Variants in NAT2 observed in about 807,000 individuals in gnomAD.
NAT2 encodes the protein arylamine N-acetyltransferase 2.
For synonymous variants in NAT2, 137 were observed against 125.9 expected (o/e 1.09, Z -0.59); for missense variants, 428 against 339.1 (o/e 1.26, Z -2.06).
chr8:18,400,721 A>G lies in NAT2; in HGVS notation c.718A>G (p.Thr240Ala). ...GVYCLVGFILTYRKFNYKDNT... is the reference protein window; with the variant it reads ...GVYCLVGFILAYRKFNYKDNT... ...TTACTGTTTGGTGGGCTTCATCCTC[A>G]CCTATAGAAAATTCAATTATAAAGA... is the stretch of plus-strand genomic sequence containing the variant. Residue 240 changes from threonine to alanine, a missense_variant, in exon 2 of 2, where the codon ACC becomes GCC. By Grantham distance (58) the Thr-to-Ala change is moderately conservative (BLOSUM62 0). Coordinates refer to ENST00000286479, the MANE Select transcript of NAT2 (RefSeq NM_000015.3). 1 of 1,613,704 alleles carries G rather than the reference A, an allele frequency of 6.2e-7. No homozygotes were observed. The highest frequency in any genetic ancestry group is 1.3e-5 in the African/African-American group (1 of 74,976).
chr8:18,386,518 C>T (rs1291296687), upstream of NAT2, among the ~76,000 whole-genome samples: 3 of 152,198 alleles, frequency 2.0e-5, no homozygotes, highest in Non-Finnish European at 4.4e-5. Context: ...TGTTCTGTCC[C>T]GGACACACGG....
Position 18,394,700 on chromosome 8 carries a change from G to A in NAT2, c.-7+3355G>A, listed in dbSNP as rs181730067. On this transcript the variant is annotated intron_variant, in intron 1 of 1. Coordinates refer to ENST00000286479, the MANE Select transcript of NAT2 (RefSeq NM_000015.3). ...ACCTGTAAAGGAACTGCATAGACAA[G>A]CTGTGAGGCCAGTTTTATCCACAGG... is the stretch of plus-strand genomic sequence containing the variant. Among the ~76,000 whole-genome samples the A allele has an allele frequency of 7.9e-5, 12 of 152,250 alleles. No individual in the cohort carries two copies. The East Asian group carries it at 1.4e-3, about 17-fold the overall frequency.
At chr8:18,388,179 G>T (rs1249162125), upstream of NAT2, among the ~76,000 whole-genome samples, 1 of 152,210 alleles carries the variant, frequency 6.6e-6, no homozygotes, top group African/African-American at 2.4e-5. Flanking sequence ...GTTTTAAACT[G>T]TCAAGTTTGT....
In NAT2 at chr8:18,400,612, G is replaced by C. The variant is rs45618543; in HGVS notation, c.609G>C (p.Glu203Asp). Residue 203 changes from glutamate (E) to aspartate (D), a missense_variant, in exon 2 of 2, where the codon GAG becomes GAC. Glu to Asp is a conservative substitution (Grantham distance 45). Transcript: ENST00000286479. ...AACCTCGAACAATTGAAGATTTTGA[G>C]TCTATGAATACATACCTGCAGACGT... is the stretch of plus-strand genomic sequence containing the variant. ...TLEPRTIEDF[E>D]SMNTYLQTSP... 6 of 1,613,860 alleles carry C rather than the reference G, an allele frequency of 3.7e-6. No homozygotes were observed. The highest frequency in any genetic ancestry group is 5.1e-6 in the Non-Finnish European group (6 of 1,179,964).
chr8:18,392,830 A>G (rs1039751143), intron 1 of NAT2, among the ~76,000 whole-genome samples: 1 of 152,140 alleles, frequency 6.6e-6, no homozygotes, highest in Non-Finnish European at 1.5e-5. Flanking sequence ...TTTTAGTGGC[A>G]ACACAGGTTA....
intron 1 of NAT2, among the ~76,000 whole-genome samples, chr8:18,394,534 A>G (rs1476012011): frequency 6.6e-6 from 1 of 152,190 alleles, no homozygotes; most frequent in Non-Finnish European, 1.5e-5. Context: ...CCTGAGCCCA[A>G]CCAAGGATTT....
intron 1 of NAT2, among the ~76,000 whole-genome samples, chr8:18,395,828 A>G (rs1800680367): frequency 6.6e-6 from 1 of 151,912 alleles, no homozygotes; most frequent in Non-Finnish European, 1.5e-5. Context: ...CAAAGTGATA[A>G]CTCAAAGATT....
At chr8:18,398,470 AGTTT>A (rs1465693443) in intron 1 of NAT2, among the ~76,000 whole-genome samples, 1 of 152,142 alleles carries the variant, frequency 6.6e-6, no homozygotes, top group African/African-American at 2.4e-5. Flanking sequence ...AAGAGATTCT[AGTTT>A]GTTTGGCCAG....
At chr8:18,396,615 C>T (rs960452837) in intron 1 of NAT2, among the ~76,000 whole-genome samples, 1 of 152,088 alleles carries the variant, frequency 6.6e-6, no homozygotes, top group Non-Finnish European at 1.5e-5. Flanking sequence ...AGGATGGTCT[C>T]GAACCCCTGA....
At chr8:18,397,435 A>AT (rs1236213231) in intron 1 of NAT2, among the ~76,000 whole-genome samples, 1 of 152,066 alleles carries the variant, frequency 6.6e-6, no homozygotes, top group Non-Finnish European at 1.5e-5. Flanking sequence ...ATAATTTTAT[A>AT]TTTTTTTCTG....
chr8:18,397,598 C>T (rs747668923), intron 1 of NAT2, among the ~76,000 whole-genome samples: 6 of 152,050 alleles, frequency 3.9e-5, no homozygotes, highest in Non-Finnish European at 7.4e-5. Flanking sequence ...TATTTATAGT[C>T]GTCTTTCTGG....
In NAT2 at chr8:18,393,774, A is replaced by C. The variant is rs538503108; in HGVS notation, c.-7+2429A>C. Among the ~76,000 whole-genome samples the C allele has an allele frequency of 7.2e-5, 11 of 152,338 alleles. No individual in the cohort carries two copies. In the South Asian group the frequency reaches 2.3e-3, roughly 32 times the overall value. On this transcript the variant is annotated intron_variant, in intron 1 of 1. Transcript: ENST00000286479. ...AATGGGAGAAAACGTTGAAAATGTT[A>C]CTTTGCAGACTTGTAGCCAGAAAAA...
intron 1 of NAT2, among the ~76,000 whole-genome samples, chr8:18,398,041 T>G (rs1419938347): frequency 6.6e-6 from 1 of 152,198 alleles, no homozygotes; most frequent in Admixed American, 6.5e-5. Context: ...AAAAATCAAC[T>G]CACAAAAGAT....
chr8:18,391,083 G>A (rs1800584808), upstream of NAT2, among the ~76,000 whole-genome samples: 1 of 152,076 alleles, frequency 6.6e-6, no homozygotes, highest in South Asian at 2.1e-4. Flanking sequence ...CTAGCCTGTG[G>A]CATGGGTATC....
intron 1 of NAT2, among the ~76,000 whole-genome samples, chr8:18,397,246 T>C (rs903841463): frequency 1.3e-5 from 2 of 151,952 alleles, no homozygotes; most frequent in Non-Finnish European, 2.9e-5. Flanking sequence ...ATAAGACAAA[T>C]AGAAAAATGT....
Position 18,400,040 on chromosome 8 carries a change from A to G in NAT2, c.37A>G (p.Lys13Glu), listed in dbSNP as rs1800760093. The change falls in exon 2 of 2, where the codon AAG (lysine) becomes GAG (glutamate). Residue 13 changes from lysine to glutamate, a missense_variant. By Grantham distance (56) the Lys-to-Glu change is moderately conservative (BLOSUM62 1). Coordinates refer to ENST00000286479, the MANE Select transcript of NAT2 (RefSeq NM_000015.3). Reference protein sequence around the residue: ...IEAYFERIGYKNSRNKLDLET... With the variant: ...IEAYFERIGYENSRNKLDLET... The stretch of plus-strand genomic sequence containing the variant: ...AGCATATTTTGAAAGAATTGGCTAT[A>G]AGAACTCTAGGAACAAATTGGACTT... 7 of 1,605,508 alleles carry G rather than the reference A, an allele frequency of 4.4e-6. No individual in the cohort carries two copies. The African/African-American group carries it at 6.7e-5, about 15-fold the overall frequency.
At chr8:18,398,587 C>T (rs982244573) in intron 1 of NAT2, among the ~76,000 whole-genome samples, 4 of 152,126 alleles carry the variant, frequency 2.6e-5, no homozygotes, top group East Asian at 1.9e-4. Context: ...TGAGCTACAA[C>T]GTGTATTTAA....
upstream of NAT2, among the ~76,000 whole-genome samples, chr8:18,386,431 T>C (rs1800507770): frequency 6.6e-6 from 1 of 152,192 alleles, no homozygotes; most frequent in Admixed American, 6.5e-5. Flanking sequence ...AGCTGCGGAA[T>C]GCGGCCCGGG....
chr8:18,392,948 G>A (rs562756202), intron 1 of NAT2, among the ~76,000 whole-genome samples: 66 of 152,214 alleles, frequency 4.3e-4, no homozygotes, highest in African/African-American at 1.6e-3. Context: ...GATCTTTAAA[G>A]GTGTCAGACT....
Sources: gnomAD v4.1 joint callset for allele counts (sites outside exome capture counted in the v4.1 genomes callset) on GRCh38, gnomAD v4.1.1 for gene constraint, MANE v1.5 for transcripts, NCBI Gene and HGNC (gene_info 2026-07-23, HGNC 2026-07-21) for gene names.